The following DAB1 variants were observed in gnomAD, a reference collection of about 807,000 sequenced individuals.
The protein encoded by DAB1 is DAB adaptor protein 1, also known as disabled homolog 1.
A neutral mutation model predicts 64.6 loss-of-function variants in DAB1; 15 were observed. The ratio of observed to expected loss-of-function variants is 0.23; its 90% CI spans 0.16 to 0.36. DAB1 has a LOEUF of 0.36. Ranked by LOEUF, DAB1 falls within the 10% of genes least tolerant of loss-of-function variation. The probability of loss-of-function intolerance (pLI) is 1.00; values close to 1 mark genes in which losing one functional copy is unlikely to be tolerated. For missense variants in DAB1, 596 were observed against 706.7 expected, an observed-to-expected ratio of 0.84 and a Z score of 1.78; for synonymous variants, 235 against 251.9, an observed-to-expected ratio of 0.93 and a Z score of 0.64.
chr1:57,843,696 T>C (rs558437705), intron 1 of DAB1, among the ~76,000 whole-genome samples: 2 of 152,292 alleles, frequency 1.3e-5, no homozygotes, highest in African/African-American at 4.8e-5. Context: ...TTTGGAGAAA[T>C]ACCAGCTGAA....
intron 5 of DAB1, among the ~76,000 whole-genome samples, chr1:57,895,438 C>A (rs1644378998): frequency 6.6e-6 from 1 of 152,172 alleles, no homozygotes; most frequent in African/African-American, 2.4e-5. Context: ...ACATTATTGC[C>A]TCTAGATATT....
At chr1:57,176,970 T>TACA (rs146465598) in intron 2 of DAB1, among the ~76,000 whole-genome samples, 5,593 of 60,606 alleles carry the variant, frequency 0.092, 627 homozygotes, top group African/African-American at 0.18. Context: ...CAGCAGCAGA[T>TACA]ATAAAAAAAA....
intron 7 of DAB1, among the ~76,000 whole-genome samples, chr1:57,448,317 T>C (rs1019460614): frequency 7.9e-5 from 12 of 152,180 alleles, no homozygotes; most frequent in African/African-American, 2.9e-4. Flanking sequence ...TGAAACATGC[T>C]TTGAAATTAG....
chr1:57,633,170 G>T (rs1196408668), intron 7 of DAB1, among the ~76,000 whole-genome samples: 5 of 152,238 alleles, frequency 3.3e-5, no homozygotes, highest in Admixed American at 1.3e-4. Flanking sequence ...GGAAGAGCAA[G>T]ATCGGGAGAA....
intron 5 of DAB1, among the ~76,000 whole-genome samples, chr1:57,980,910 TATAC>T (rs1402902878): frequency 6.6e-6 from 1 of 150,608 alleles, no homozygotes; most frequent in Non-Finnish European, 1.5e-5. Context: ...TGTATATATA[TATAC>T]ACACACACAC....
chr1:57,872,215 C>T (rs1643963746), intron 1 of DAB1, among the ~76,000 whole-genome samples: 1 of 152,162 alleles, frequency 6.6e-6, no homozygotes, highest in Admixed American at 6.5e-5. Flanking sequence ...TTTCCTAAAA[C>T]TCATGTGTTA....
chr1:57,428,988 G>A (rs1425850894), upstream of DAB1, among the ~76,000 whole-genome samples: 1 of 150,428 alleles, frequency 6.6e-6, no homozygotes. Context: ...TCATTGCTTA[G>A]TTCAGCCTCA....
chr1:57,984,655 C>T (rs1054549923), intron 5 of DAB1, among the ~76,000 whole-genome samples: 2 of 152,142 alleles, frequency 1.3e-5, no homozygotes, highest in East Asian at 1.9e-4. Context: ...AATTTGGGCA[C>T]CCCAACATGC....
At chr1:57,241,189 A>T (rs189856423) in intron 2 of DAB1, among the ~76,000 whole-genome samples, 1 of 152,324 alleles carries the variant, frequency 6.6e-6, no homozygotes, top group Non-Finnish European at 1.5e-5. Flanking sequence ...AAATTATTGA[A>T]CTTAGCTTTT....
intron 5 of DAB1, among the ~76,000 whole-genome samples, chr1:57,909,956 T>C (rs1199289435): frequency 6.6e-6 from 1 of 152,222 alleles, no homozygotes; most frequent in Non-Finnish European, 1.5e-5. Flanking sequence ...ATATAGAAGA[T>C]GCAGCTTGAT....
chr1:58,092,861 A>G (rs1650751365), intron 5 of DAB1, among the ~76,000 whole-genome samples: 1 of 152,082 alleles, frequency 6.6e-6, no homozygotes, highest in Non-Finnish European at 1.5e-5. Context: ...TGCTACCCTC[A>G]CCTAGATGAA....
chr1:57,504,700 T>A (rs534768678), intron 7 of DAB1, among the ~76,000 whole-genome samples: 10 of 152,130 alleles, frequency 6.6e-5, no homozygotes, highest in African/African-American at 2.2e-4. Flanking sequence ...TTGTACCATA[T>A]GGAAAGGGGG....
chr1:57,025,878 C>A, intron 10 of DAB1, 103 bp downstream of exon 10: 1 of 887,048 alleles, frequency 1.1e-6, no homozygotes, highest in Admixed American at 2.8e-5. Context: ...CACTGAAATC[C>A]ACCAGCAGCC....
chr1:58,473,491 G>A (rs982130448), intron 3 of DAB1, among the ~76,000 whole-genome samples: 8 of 151,752 alleles, frequency 5.3e-5, no homozygotes, highest in African/African-American at 1.9e-4. Flanking sequence ...GCAGTGAGCC[G>A]AGATTGTGCC....
intron 3 of DAB1, among the ~76,000 whole-genome samples, chr1:58,428,067 C>T (rs983742429): frequency 2.6e-5 from 4 of 152,180 alleles, no homozygotes; most frequent in Admixed American, 6.5e-5. Flanking sequence ...TTTAAGCTGC[C>T]TTTCCTTTTT....
chr1:58,388,309 T>C (rs1382628303), intron 3 of DAB1, among the ~76,000 whole-genome samples: 1 of 152,206 alleles, frequency 6.6e-6, no homozygotes, highest in Non-Finnish European at 1.5e-5. Flanking sequence ...GATTCTCTTA[T>C]AGCCAGGGAT....
chr1:58,101,095 T>C (rs1261486519), intron 5 of DAB1, among the ~76,000 whole-genome samples: 1 of 152,130 alleles, frequency 6.6e-6, no homozygotes, highest in African/African-American at 2.4e-5. Context: ...GGCAGGTGGA[T>C]CACGAGGTCA....
chr1:57,259,699 C>A (rs535764968), intron 2 of DAB1, among the ~76,000 whole-genome samples: 51 of 152,204 alleles, frequency 3.4e-4, no homozygotes, highest in Admixed American at 1.0e-3. Flanking sequence ...AACTAGTGTG[C>A]CACAGGAAAT....
At chr1:57,513,898 C>T (rs1247966249) in intron 7 of DAB1, among the ~76,000 whole-genome samples, 1 of 149,990 alleles carries the variant, frequency 6.7e-6, no homozygotes, top group Non-Finnish European at 1.5e-5. Flanking sequence ...CTCTCTGCTT[C>T]TAAAAGTTCC....
Sources: allele counts gnomAD v4.1 joint callset (sites outside exome capture counted in the v4.1 genomes callset), GRCh38; gene constraint gnomAD v4.1.1; transcripts MANE v1.5; gene names NCBI Gene and HGNC (gene_info 2026-07-23, HGNC 2026-07-21).